The following GPATCH2 variants were observed in gnomAD, a reference collection of about 807,000 sequenced individuals.
GPATCH2 encodes the protein G-patch domain containing 2, also known as G patch domain-containing protein 2.
In GPATCH2, 51 loss-of-function variants were observed where a neutral mutation model predicts 58.0. That is an observed-to-expected ratio of 0.88 (90% CI 0.70 to 1.11). The LOEUF is 1.11. Ranked by LOEUF, GPATCH2 falls within the 50% of genes most tolerant of loss-of-function variation. The pLI, the probability that GPATCH2 is intolerant of heterozygous loss-of-function variation, is 0.00. For synonymous variants in GPATCH2, 222 were observed against 218.5 expected (o/e 1.02, Z -0.14); for missense variants, 625 against 652.2 (o/e 0.96, Z 0.45).
At chr1:217,595,563 G>T (rs902034294) in intron 5 of GPATCH2, among the ~76,000 whole-genome samples, 1 of 151,154 alleles carries the variant, frequency 6.6e-6, no homozygotes, top group South Asian at 2.1e-4. Context: ...GCAATGCTGC[G>T]ATCTCAGCTC....
intron 9 of GPATCH2, among the ~76,000 whole-genome samples, chr1:217,443,434 T>G (rs1336665038): frequency 6.6e-6 from 1 of 152,194 alleles, no homozygotes; most frequent in Non-Finnish European, 1.5e-5. Context: ...GGTTATATTT[T>G]TTCTCCTTGG....
At chr1:217,540,309 C>A (rs1431715717) in intron 5 of GPATCH2, among the ~76,000 whole-genome samples, 1 of 152,132 alleles carries the variant, frequency 6.6e-6, no homozygotes, top group Non-Finnish European at 1.5e-5. Context: ...CCTTTTGCAT[C>A]TGGCTGCTAG....
Position 217,498,384 on chromosome 1 carries a change from C to A in GPATCH2, c.1178G>T (p.Ser393Ile). The change falls in exon 7 of 10, where the codon AGC (serine) becomes ATC (isoleucine). Residue 393 changes from serine (S) to isoleucine (I), a missense_variant. By Grantham distance (142) the Ser-to-Ile change is moderately radical. Transcript: ENST00000366935. ...PDSHHHDHWF[S>I]PGARTEHDQH... ...GTCATGCTCTGTCCTAGCCCCAGGG[C>A]TAAACCAATGGCTGCAGAGGAAAGA... 6.2e-7 allele frequency: 1 copy of A among 1,613,016 alleles called. No individual in the cohort carries two copies. The highest frequency in any genetic ancestry group is 8.5e-7 in the Non-Finnish European group (1 of 1,179,014).
intron 5 of GPATCH2, among the ~76,000 whole-genome samples, chr1:217,532,288 C>A (rs903405235): frequency 1.3e-5 from 2 of 152,214 alleles, no homozygotes; most frequent in African/African-American, 4.8e-5. Context: ...TTAAATATTT[C>A]TAATGCTCAC....
chr1:217,482,783 A>G (rs1298469216), intron 8 of GPATCH2, among the ~76,000 whole-genome samples: 1 of 152,226 alleles, frequency 6.6e-6, no homozygotes, highest in Non-Finnish European at 1.5e-5. Context: ...TCCTTAAAGT[A>G]TACAATTTGA....
chr1:217,483,224 G>A (rs763328513), intron 8 of GPATCH2, among the ~76,000 whole-genome samples: 3 of 151,940 alleles, frequency 2.0e-5, no homozygotes, highest in Non-Finnish European at 2.9e-5. Context: ...TGTCTCTGTC[G>A]CCCAGGCTAG....
intron 8 of GPATCH2, among the ~76,000 whole-genome samples, chr1:217,453,210 T>C (rs1392713420): frequency 2.6e-5 from 4 of 152,228 alleles, no homozygotes; most frequent in African/African-American, 4.8e-5. Flanking sequence ...GTTTCTTTCT[T>C]CTGCAGTGTT....
intron 8 of GPATCH2, among the ~76,000 whole-genome samples, chr1:217,476,480 G>C (rs1002700252): frequency 5.3e-5 from 8 of 152,080 alleles, no homozygotes. Context: ...CACTGAAGAG[G>C]CAGGAAAAAC....
chr1:217,600,669 T>A (rs1158695340), intron 5 of GPATCH2, among the ~76,000 whole-genome samples: 1 of 152,070 alleles, frequency 6.6e-6, no homozygotes, highest in Non-Finnish European at 1.5e-5. Flanking sequence ...TGATTTTGAT[T>A]TTTAAAAAAT....
chr1:217,476,580 G>C (rs959601574), intron 8 of GPATCH2, among the ~76,000 whole-genome samples: 1 of 152,090 alleles, frequency 6.6e-6, no homozygotes, highest in African/African-American at 2.4e-5. Context: ...GTGAGGGAGA[G>C]CACAGCAATT....
chr1:217,467,235 G>A (rs1278745966), intron 8 of GPATCH2, among the ~76,000 whole-genome samples: 2 of 152,278 alleles, frequency 1.3e-5, no homozygotes, highest in East Asian at 1.9e-4. Context: ...AGGTAGAAGC[G>A]AGACTTCTTT....
At chr1:217,522,485 G>A (rs1305630529) in intron 5 of GPATCH2, among the ~76,000 whole-genome samples, 2 of 152,058 alleles carry the variant, frequency 1.3e-5, no homozygotes, top group Non-Finnish European at 2.9e-5. Context: ...GCCTCTACTG[G>A]CTGACCAAAG....
chr1:217,448,869 G>A (rs1659516305), intron 9 of GPATCH2, among the ~76,000 whole-genome samples: 1 of 152,106 alleles, frequency 6.6e-6, no homozygotes, highest in African/African-American at 2.4e-5. Context: ...GTGTTTTGGG[G>A]CTGCGGCTAT....
At chr1:217,577,687 A>T (rs1415713188) in intron 5 of GPATCH2, among the ~76,000 whole-genome samples, 1 of 152,170 alleles carries the variant, frequency 6.6e-6, no homozygotes, top group Non-Finnish European at 1.5e-5. Flanking sequence ...CCATAAAAGT[A>T]TTGGTTATCA....
At chr1:217,532,111 A>G (rs1198825471) in intron 5 of GPATCH2, among the ~76,000 whole-genome samples, 1 of 152,200 alleles carries the variant, frequency 6.6e-6, no homozygotes, top group African/African-American at 2.4e-5. Flanking sequence ...CCCAAGTAGC[A>G]CACTCCACTG....
intron 5 of GPATCH2, among the ~76,000 whole-genome samples, chr1:217,577,777 T>C (rs1027654768): frequency 4.6e-5 from 7 of 152,100 alleles, no homozygotes; most frequent in Admixed American, 3.9e-4. Flanking sequence ...GATGGAATTT[T>C]GCTCCTGTTG....
intron 8 of GPATCH2, among the ~76,000 whole-genome samples, chr1:217,468,518 CACACACACA>C (rs1310581613): frequency 2.2e-3 from 1 of 448 alleles, no homozygotes; most frequent in African/African-American, 4.3e-3. Context: ...CACACAACCA[CACACACACA>C]CACACACACA....
At chr1:217,511,235 ATC>A (rs1338969472) in intron 6 of GPATCH2, among the ~76,000 whole-genome samples, 1 of 152,220 alleles carries the variant, frequency 6.6e-6, no homozygotes, top group Non-Finnish European at 1.5e-5. Context: ...TATCTGAAAT[ATC>A]TCTGTTTACA....
At chr1:217,614,749 T>A (rs914627370) in intron 2 of GPATCH2, among the ~76,000 whole-genome samples, 1 of 149,292 alleles carries the variant, frequency 6.7e-6, no homozygotes, top group South Asian at 2.1e-4. Flanking sequence ...TAATCCATTA[T>A]ATCGAAGTTA....
Sources: allele counts gnomAD v4.1 joint callset (sites outside exome capture counted in the v4.1 genomes callset), GRCh38; gene constraint gnomAD v4.1.1; transcripts MANE v1.5; gene names NCBI Gene and HGNC (gene_info 2026-07-23, HGNC 2026-07-21).